TTC6: variants seen among roughly 807,000 people sequenced by gnomAD.
The protein encoded by TTC6 is tetratricopeptide repeat protein 6.
In TTC6, 172 loss-of-function variants were observed where a neutral mutation model predicts 210.4. That is an observed-to-expected ratio of 0.82 (90% CI 0.72 to 0.93). TTC6 has a LOEUF of 0.93. TTC6 is among the 40% of genes least tolerant of loss of function. TTC6 has a pLI of 0.00. For missense variants in TTC6, 2,414 were observed against 2,318.1 expected (o/e 1.04, Z -0.85); for synonymous variants, 804 against 819.6 (o/e 0.98, Z 0.32).
intron 29 of TTC6, among the ~76,000 whole-genome samples, chr14:37,838,780 C>CA (rs1243679088): frequency 6.6e-6 from 1 of 152,072 alleles, no homozygotes; most frequent in Non-Finnish European, 1.5e-5. Context: ...TTGCTACACC[C>CA]ATCGACGCAT....
At chr14:37,724,078 C>A (rs34477874) in intron 6 of TTC6, among the ~76,000 whole-genome samples, 8,663 of 152,114 alleles carry the variant, frequency 0.057, 379 homozygotes, top group Non-Finnish European at 0.089. Context: ...ACAGAAACCA[C>A]ACTAGCAAAC....
chr14:37,687,517 G>A (rs936616337), intron 3 of TTC6, among the ~76,000 whole-genome samples: 3 of 152,108 alleles, frequency 2.0e-5, no homozygotes, highest in African/African-American at 7.2e-5. Context: ...AAGGAGTGCT[G>A]GCATAACTCC....
At chr14:37,663,198 A>G (rs1384617217) in intron 1 of TTC6, among the ~76,000 whole-genome samples, 2 of 151,802 alleles carry the variant, frequency 1.3e-5, no homozygotes, top group African/African-American at 4.8e-5. Flanking sequence ...ATTTCTTGGC[A>G]TGACTGTTGT....
intron 1 of TTC6, among the ~76,000 whole-genome samples, chr14:37,635,689 C>T (rs1027146312): frequency 6.6e-6 from 1 of 152,004 alleles, no homozygotes; most frequent in Admixed American, 6.6e-5. Flanking sequence ...AAGAAAATTA[C>T]CAGAGATGGC....
rs138705500 is a variant in TTC6, at chr14:37,758,717, A to G, written c.3266+5482A>G. ...GTTAATATTGTGTTGTGTGAATTTT[A>G]TCCTGTCATCATGATGCTAGCTGGT... On this transcript the variant is annotated intron_variant, in intron 14 of 30. Coordinates refer to ENST00000553443, the Ensembl canonical transcript of TTC6. Among the ~76,000 whole-genome samples the G allele has an allele frequency of 1.8e-3, 275 of 152,266 alleles. 2 individuals carry two copies. Among genetic ancestry groups the G allele is most frequent in the African/African-American group, 6.1e-3 (254 of 41,552 alleles).
chr14:37,644,305 G>GC (rs2095697741), intron 1 of TTC6, among the ~76,000 whole-genome samples: 1 of 152,120 alleles, frequency 6.6e-6, no homozygotes, highest in Admixed American at 6.6e-5. Flanking sequence ...GTTCCATAGG[G>GC]CCAGGGATCC....
chr14:37,731,854 T>TA lies in TTC6; in HGVS notation c.1819-4067_1819-4066insA, dbSNP rs560257646. 9.2e-4 allele frequency among the ~76,000 whole-genome samples: 135 copies of TA among 146,720 alleles called. 1 individual carries two copies. The highest frequency in any genetic ancestry group is 3.7e-3 in the African/African-American group (133 of 36,078). Reference sequence around the variant, plus strand: ...TGAAAACAAATACAGTTGGATTTTTTTTGTTTTTTAATTGGACCTATTTAA... The same window carrying TA: ...TGAAAACAAATACAGTTGGATTTTTTATTGTTTTTTAATTGGACCTATTTAA... On this transcript the variant is annotated intron_variant, in intron 7 of 30. Transcript: ENST00000553443.
intron 26 of TTC6, among the ~76,000 whole-genome samples, chr14:37,818,005 A>G (rs1026986956): frequency 6.6e-6 from 1 of 152,206 alleles, no homozygotes; most frequent in African/African-American, 2.4e-5. Flanking sequence ...TAAGCATAAA[A>G]TAATTTATTT....
intron 1 of TTC6, among the ~76,000 whole-genome samples, chr14:37,667,860 G>C (rs548927934): frequency 2.0e-5 from 3 of 150,594 alleles, no homozygotes; most frequent in Admixed American, 1.3e-4. Flanking sequence ...GGCTGGGGCC[G>C]GGCATGGTGG....
chr14:37,789,529 C>G (rs553127020), intron 15 of TTC6, among the ~76,000 whole-genome samples: 7 of 149,944 alleles, frequency 4.7e-5, no homozygotes, highest in African/African-American at 1.7e-4. Flanking sequence ...ACTTGACATT[C>G]GCATTGTGGA....
At chr14:37,702,662 T>C (rs1393535162) in intron 5 of TTC6, among the ~76,000 whole-genome samples, 1 of 152,204 alleles carries the variant, frequency 6.6e-6, no homozygotes, top group Non-Finnish European at 1.5e-5. Flanking sequence ...ATCCTAGGTA[T>C]ATGAGAATAC....
intron 1 of TTC6, among the ~76,000 whole-genome samples, chr14:37,629,058 C>G (rs1419962655): frequency 6.6e-6 from 1 of 152,104 alleles, no homozygotes; most frequent in Non-Finnish European, 1.5e-5. Context: ...CAGCTTTATT[C>G]TTTTTGCTTA....
chr14:37,636,264 C>T (rs2095680502), intron 1 of TTC6, among the ~76,000 whole-genome samples: 1 of 152,098 alleles, frequency 6.6e-6, no homozygotes, highest in South Asian at 2.1e-4. Flanking sequence ...CCCTATCAGC[C>T]ACTAGGCTCT....
chr14:37,841,545 A>T (rs751466317), exon 30 of TTC6: 2 of 1,604,858 alleles, frequency 1.2e-6, no homozygotes, highest in Non-Finnish European at 1.7e-6. Flanking sequence ...AAATATGAAG[A>T]AGCAAAAGAA....
chr14:37,791,562 T>C (rs931167336), intron 16 of TTC6, among the ~76,000 whole-genome samples: 1 of 152,134 alleles, frequency 6.6e-6, no homozygotes, highest in Non-Finnish European at 1.5e-5. Context: ...ATGGCTCCCA[T>C]AATGACCACA....
chr14:37,838,496 AGTCTTTG>A (rs2096202900), intron 29 of TTC6, among the ~76,000 whole-genome samples: 3 of 152,054 alleles, frequency 2.0e-5, no homozygotes, highest in Admixed American at 2.0e-4. Flanking sequence ...AATAATCTTG[AGTCTTTG>A]GTCTTTTCAA....
chr14:37,658,613 A>C (rs967753076), intron 1 of TTC6, among the ~76,000 whole-genome samples: 2 of 152,174 alleles, frequency 1.3e-5, no homozygotes, highest in Non-Finnish European at 2.9e-5. Flanking sequence ...ATAAGAAATT[A>C]CTTAATGAGT....
At chr14:37,665,159 A>G (rs2138434355) in intron 1 of TTC6, among the ~76,000 whole-genome samples, 1 of 150,648 alleles carries the variant, frequency 6.6e-6, no homozygotes, top group African/African-American at 2.4e-5. Context: ...TATATACCCA[A>G]AAGAATATAA....
intron 28 of TTC6, 59 bp from the exon 31 acceptor site, chr14:37,827,137 A>T (rs1402525610): frequency 1.5e-6 from 2 of 1,374,754 alleles, no homozygotes; most frequent in Non-Finnish European, 2.0e-6. Flanking sequence ...TTTGGCAGAC[A>T]TGACATCAGA....
Sources: gnomAD v4.1 joint callset for allele counts (sites outside exome capture counted in the v4.1 genomes callset) on GRCh38, gnomAD v4.1.1 for gene constraint, MANE v1.5 for transcripts, NCBI Gene and HGNC (gene_info 2026-07-23, HGNC 2026-07-21) for gene names.